Variants in ASB15 observed in about 807,000 individuals in gnomAD.
ASB15 encodes the protein ankyrin repeat and SOCS box protein 15.
ASB15 carries 54 observed loss-of-function variants against 58.0 expected under a neutral mutation model. The observed-to-expected ratio is 0.93, with a 90% CI of 0.75 to 1.17. ASB15 has a LOEUF of 1.17. ASB15 is among the 50% of genes most tolerant of loss of function. ASB15 has a pLI of 0.00. For synonymous variants in ASB15, 249 were observed against 262.4 expected (o/e 0.95, Z 0.50); for missense variants, 680 against 707.4 (o/e 0.96, Z 0.44).
intron 1 of ASB15, among the ~76,000 whole-genome samples, chr7:123,574,198 CT>C (rs546536941): frequency 6.0e-5 from 9 of 149,614 alleles, no homozygotes; most frequent in East Asian, 2.0e-4. Flanking sequence ...GTTCCATCTC[CT>C]TTTTTTTTCT....
Position 123,614,594 on chromosome 7 carries a change from C to T in ASB15, c.92C>T (p.Ala31Val), listed in dbSNP as rs149487129. The T allele has an allele frequency of 2.3e-5, 37 of 1,601,788 alleles. No individual in the cohort carries two copies. Among genetic ancestry groups the T allele is most frequent in the Non-Finnish European group, 3.1e-5 (36 of 1,169,608 alleles). The change falls in exon 4 of 12, where the codon GCA becomes GTA. Residue 31 changes from alanine to valine, a missense_variant. Ala to Val is a moderately conservative substitution (Grantham distance 64). Transcript: ENST00000451215. ...GAATCCATTGAAGCCAGCAAGACTG[C>T]ACTTTGTCCTGAAAGGTAGTATTCA... is the stretch of plus-strand genomic sequence containing the variant. ...IQESIEASKT[A>V]LCPERFVPLS...
intron 1 of ASB15, among the ~76,000 whole-genome samples, chr7:123,590,815 G>GT (rs1329216372): frequency 3.9e-5 from 6 of 152,172 alleles, no homozygotes; most frequent in Non-Finnish European, 7.4e-5. Flanking sequence ...CTTTAAAGTA[G>GT]TTTTTTCCAA....
chr7:123,615,072 G>C (rs1800713289), intron 4 of ASB15, among the ~76,000 whole-genome samples: 2 of 152,126 alleles, frequency 1.3e-5, no homozygotes, highest in South Asian at 4.1e-4. Context: ...GCTAAGCCAT[G>C]TAGCCCATTA....
chr7:123,630,788 A>G (rs1026512444), intron 11 of ASB15, among the ~76,000 whole-genome samples: 2 of 152,254 alleles, frequency 1.3e-5, no homozygotes, highest in African/African-American at 2.4e-5. Flanking sequence ...CTAGTTGGAC[A>G]TCAATTTCAT....
chr7:123,572,656 C>A (rs1798944418), intron 1 of ASB15, among the ~76,000 whole-genome samples: 1 of 150,926 alleles, frequency 6.6e-6, no homozygotes, highest in South Asian at 2.1e-4. Context: ...ATTATTACCC[C>A]ACGGTTTTTT....
At chr7:123,632,927 A>G (rs1468646082) in intron 11 of ASB15, among the ~76,000 whole-genome samples, 12 of 152,244 alleles carry the variant, frequency 7.9e-5, no homozygotes, top group Non-Finnish European at 1.5e-5. Flanking sequence ...CATCAACAAT[A>G]CTTTATGCCA....
At chr7:123,589,358 A>G (rs576015442) in intron 1 of ASB15, among the ~76,000 whole-genome samples, 1 of 151,024 alleles carries the variant, frequency 6.6e-6, no homozygotes, top group Non-Finnish European at 1.5e-5. Flanking sequence ...TCAAGGGTAC[A>G]TATGCACAAT....
At position 123,630,129 on chromosome 7, in the gene ASB15, A is replaced by G. The variant is rs777850060; in HGVS notation, c.1594+10A>G. On this transcript the variant is annotated intron_variant, in intron 11 of 11. Transcript: ENST00000451215. ...ATCCGCCAAATACTAGGTAAAAACC[A>G]AAAGTTTTGCCTACAATTTTTAAAT... The G allele has an allele frequency of 6.4e-7, 1 of 1,555,302 alleles. No homozygotes were observed.
chr7:123,587,005 G>C (rs891941482), intron 1 of ASB15, among the ~76,000 whole-genome samples: 3 of 151,494 alleles, frequency 2.0e-5, no homozygotes, highest in East Asian at 3.9e-4. Context: ...ATTATAATTT[G>C]ATGCTTTCAG....
intron 6 of ASB15, among the ~76,000 whole-genome samples, chr7:123,617,062 T>C (rs1800863863): frequency 6.6e-6 from 1 of 152,168 alleles, no homozygotes; most frequent in Admixed American, 6.5e-5. Context: ...GAGAGTGCCC[T>C]ATCGTTCAGC....
At chr7:123,602,166 A>G (rs890933842) in intron 1 of ASB15, among the ~76,000 whole-genome samples, 1 of 152,168 alleles carries the variant, frequency 6.6e-6, no homozygotes, top group South Asian at 2.1e-4. Context: ...TGAGAAAAAC[A>G]GATTAAGAAT....
intron 3 of ASB15, among the ~76,000 whole-genome samples, chr7:123,613,578 G>A (rs980591871): frequency 1.3e-5 from 2 of 152,148 alleles, no homozygotes; most frequent in Non-Finnish European, 2.9e-5. Context: ...TCAGGGAGGT[G>A]GGCCAGTCAA....
intron 1 of ASB15, among the ~76,000 whole-genome samples, chr7:123,590,230 C>A (rs114873076): frequency 0.026 from 3,901 of 149,788 alleles, 155 homozygotes; most frequent in African/African-American, 0.09. Context: ...CACCCTTTGT[C>A]AGATGGATAG....
intron 7 of ASB15, among the ~76,000 whole-genome samples, chr7:123,623,637 G>A (rs541568451): frequency 2.6e-5 from 4 of 152,068 alleles, no homozygotes; most frequent in South Asian, 2.1e-4. Flanking sequence ...AGGCCAAGGC[G>A]GGCAGATCAC....
chr7:123,597,357 T>C (rs1799727219), upstream of ASB15, among the ~76,000 whole-genome samples: 1 of 152,330 alleles, frequency 6.6e-6, no homozygotes, highest in South Asian at 2.1e-4. Flanking sequence ...GCTGCAAGAA[T>C]ATTGATGCTA....
chr7:123,582,137 A>T (rs983053094), intron 1 of ASB15, among the ~76,000 whole-genome samples: 7 of 151,948 alleles, frequency 4.6e-5, no homozygotes, highest in African/African-American at 1.7e-4. Flanking sequence ...ATCTTTTCCT[A>T]CCTAAAATGC....
intron 11 of ASB15, among the ~76,000 whole-genome samples, chr7:123,632,835 T>C (rs541324608): frequency 3.3e-4 from 50 of 152,250 alleles, no homozygotes; most frequent in African/African-American, 1.0e-3. Flanking sequence ...CTATAATATA[T>C]AAAATACTAT....
chr7:123,580,800 A>G (rs1348511252), intron 1 of ASB15, among the ~76,000 whole-genome samples: 1 of 152,008 alleles, frequency 6.6e-6, no homozygotes, highest in Admixed American at 6.6e-5. Flanking sequence ...AGAAATGCTT[A>G]GGTATAACAA....
Position 123,630,081 on chromosome 7 carries a change from A to G in ASB15, c.1556A>G (p.Glu519Gly). 6.2e-7 allele frequency: 1 copy of G among 1,603,424 alleles called. No individual in the cohort carries two copies. The highest frequency in any genetic ancestry group is 8.5e-7 in the Non-Finnish European group (1 of 1,173,222). The part of the protein sequence containing the change: ...PLCAKLKSAL[E>G]VQREWPEIRQ... Reference sequence around the variant, plus strand: ...TGTGCTAAACTGAAGTCTGCACTAGAAGTACAGAGAGAATGGCCAGAAATC... The same window carrying G: ...TGTGCTAAACTGAAGTCTGCACTAGGAGTACAGAGAGAATGGCCAGAAATC... Residue 519 changes from glutamate (E) to glycine (G), a missense_variant, in exon 11 of 12, where the codon GAA becomes GGA. Transcript: ENST00000451215.
Sources: gnomAD v4.1 joint callset for allele counts (sites outside exome capture counted in the v4.1 genomes callset) on GRCh38, gnomAD v4.1.1 for gene constraint, MANE v1.5 for transcripts, NCBI Gene and HGNC (gene_info 2026-07-23, HGNC 2026-07-21) for gene names.